Variants in IGF2BP3 observed in about 807,000 individuals in gnomAD.
IGF2BP3 encodes insulin like growth factor 2 mRNA binding protein 3.
Under a neutral mutation model 73.8 loss-of-function variants are expected in IGF2BP3, and 9 were observed. The ratio of observed to expected loss-of-function variants is 0.12; its 90% confidence interval spans 0.07 to 0.21. The LOEUF is 0.21. Among genes scored for constraint, IGF2BP3 ranks in the 10% least tolerant of loss-of-function variants. IGF2BP3 has a pLI of 1.00. For synonymous variants in IGF2BP3, 258 were observed against 256.7 expected, an observed-to-expected ratio of 1.01 and a Z score of -0.05; for missense variants, 542 against 714.0, an observed-to-expected ratio of 0.76 and a Z score of 2.75.
intron 3 of IGF2BP3, among the ~76,000 whole-genome samples, chr7:23,378,592 T>TTTTTTTA (rs71309065): frequency 7.3e-6 from 1 of 136,870 alleles, no homozygotes; most frequent in Non-Finnish European, 1.5e-5. Flanking sequence ...TTTTTTTTTT[T>TTTTTTTA]GAGACAGAGT....
At chr7:23,374,443 G>GAA (rs1404815588) in intron 3 of IGF2BP3, among the ~76,000 whole-genome samples, 1 of 152,084 alleles carries the variant, frequency 6.6e-6, no homozygotes, top group Non-Finnish European at 1.5e-5. Context: ...GTTATCACTT[G>GAA]AAGCAAGGGA....
rs566695425 is a variant in IGF2BP3, at chr7:23,321,712, A to G, written c.1204-2458T>C. Among the ~76,000 whole-genome samples the G allele has an allele frequency of 3.5e-4, 54 of 152,344 alleles. 1 individual carries two copies. The highest frequency in any genetic ancestry group is 3.4e-3 in the Middle Eastern group (1 of 294). ...AAGAGAGCAGTGGTTCTCCCAGCAC[A>G]CAGCTAGAGCTCTGAGAACGGGCAG... On this transcript the variant is annotated intron_variant, in intron 10 of 14. Coordinates refer to ENST00000258729, the MANE Select transcript of IGF2BP3 (RefSeq NM_006547.3).
chr7:23,381,175 CCACCAAA>C, intron 3 of IGF2BP3, among the ~76,000 whole-genome samples: 1 of 152,218 alleles, frequency 6.6e-6, no homozygotes, highest in East Asian at 1.9e-4. Context: ...CAGTAATCAG[CCACCAAA>C]CACACTGGAT....
chr7:23,457,130 G>A (rs1788341375), intron 2 of IGF2BP3, among the ~76,000 whole-genome samples: 1 of 152,020 alleles, frequency 6.6e-6, no homozygotes, highest in African/African-American at 2.4e-5. Flanking sequence ...CACATCTTTT[G>A]ACATAACAAT....
intron 2 of IGF2BP3, among the ~76,000 whole-genome samples, chr7:23,424,593 C>T (rs1787446333): frequency 6.6e-6 from 1 of 151,848 alleles, no homozygotes; most frequent in African/African-American, 2.4e-5. Flanking sequence ...CATGTTTAAT[C>T]ACAAAAGAAA....
At chr7:23,358,006 A>G (rs1333177812) in intron 5 of IGF2BP3, among the ~76,000 whole-genome samples, 1 of 152,268 alleles carries the variant, frequency 6.6e-6, no homozygotes, top group African/African-American at 2.4e-5. Flanking sequence ...CAGAAGCAGC[A>G]ATCAAACATG....
rs145805658 is a variant in IGF2BP3 at position 23,440,681 on chromosome 7, G to A, written c.237-21857C>T. 6.4e-3 allele frequency among the ~76,000 whole-genome samples: 979 copies of A among 152,164 alleles called. 4 individuals carry two copies. The highest frequency in any genetic ancestry group is 0.01 in the Non-Finnish European group (708 of 68,022). On this transcript the variant is annotated intron_variant, in intron 2 of 14. Transcript: ENST00000258729. ...CCGACATACTGTCTATTGGGGGAGC[G>A]GCACACCAGGACTCCAACAACCCCT...
intron 2 of IGF2BP3, among the ~76,000 whole-genome samples, chr7:23,453,810 C>G (rs779097133): frequency 1.3e-5 from 2 of 152,146 alleles, no homozygotes; most frequent in African/African-American, 4.8e-5. Context: ...GTTGGCACTT[C>G]CCTAATAACT....
rs899119492 is a variant in IGF2BP3, at chr7:23,310,663, A to T, written c.*1699T>A. ...AGGGCACTTTTTTGGTTAAAACTACAAAAGAAACTTGTTTTCAGAGAACAT... is the reference window on the plus strand; with the variant it reads ...AGGGCACTTTTTTGGTTAAAACTACTAAAGAAACTTGTTTTCAGAGAACAT... On this transcript the variant is annotated 3_prime_UTR_variant, in exon 15 of 15. Transcript: ENST00000258729. 6.6e-6 allele frequency: 1 copy of T among 152,234 alleles called. No individual in the cohort carries two copies. Among genetic ancestry groups the T allele is most frequent in the African/African-American group, 2.4e-5 (1 of 41,456 alleles). 9.4% of individuals were successfully genotyped at this position (152,234 alleles called of 1,614,324 possible). A position where few individuals can be genotyped will look rare whatever the true frequency, so the allele number is the denominator to read the frequency against.
chr7:23,321,132 G>A (rs1176493918), intron 10 of IGF2BP3, among the ~76,000 whole-genome samples: 1 of 152,184 alleles, frequency 6.6e-6, no homozygotes, highest in East Asian at 1.9e-4. Context: ...GCAGAAGACG[G>A]GTGATTTCTG....
chr7:23,426,448 T>C (rs192753164), intron 2 of IGF2BP3, among the ~76,000 whole-genome samples: 97 of 152,308 alleles, frequency 6.4e-4, no homozygotes, highest in Middle Eastern at 6.8e-3. Context: ...AAAAATATCT[T>C]TCTTAACAAC....
At chr7:23,321,623 C>A (rs1400665164) in intron 10 of IGF2BP3, among the ~76,000 whole-genome samples, 1 of 152,252 alleles carries the variant, frequency 6.6e-6, no homozygotes, top group Non-Finnish European at 1.5e-5. Context: ...GGGGGCAGGG[C>A]ACAGACAGAC....
chr7:23,351,376 G>C lies in IGF2BP3; in HGVS notation c.612C>G (p.Thr204=). The C allele has an allele frequency of 6.2e-7, 1 of 1,613,868 alleles. No homozygotes were observed. The highest frequency in any genetic ancestry group is 2.2e-5 in the East Asian group (1 of 44,860). Reference sequence around the variant, plus strand: ...TTCCTATGATGGCTCCAACAAATTGGGTGGGAACCAGCAGGCGCAGAGGCA... The same window carrying C: ...TTCCTATGATGGCTCCAACAAATTGCGTGGGAACCAGCAGGCGCAGAGGCA... ...CDLPLRLLVP[T]QFVGAIIGKE... The change falls in exon 6 of 15, where the codon ACC becomes ACG. Residue 204 remains threonine, a synonymous_variant. Transcript: ENST00000258729.
intron 12 of IGF2BP3, among the ~76,000 whole-genome samples, chr7:23,315,513 A>C (rs1249925403): frequency 6.6e-6 from 1 of 152,220 alleles, no homozygotes; most frequent in African/African-American, 2.4e-5. Flanking sequence ...GCAAAGCAGA[A>C]AGGAGCCTGA....
chr7:23,331,487 T>C (rs530855910), intron 10 of IGF2BP3, among the ~76,000 whole-genome samples: 1 of 152,138 alleles, frequency 6.6e-6, no homozygotes, highest in African/African-American at 2.4e-5. Context: ...AAGATGGGTG[T>C]GTACAGATGA....
At chr7:23,325,294 C>A (rs948130628) in intron 10 of IGF2BP3, among the ~76,000 whole-genome samples, 1 of 151,918 alleles carries the variant, frequency 6.6e-6, no homozygotes, top group Non-Finnish European at 1.5e-5. Flanking sequence ...AAACAGAGAG[C>A]CAAATCATGA....
At chr7:23,326,363 T>C (rs1041005899) in intron 10 of IGF2BP3, among the ~76,000 whole-genome samples, 8 of 152,202 alleles carry the variant, frequency 5.3e-5, no homozygotes, top group African/African-American at 1.4e-4. Flanking sequence ...AAAACCACAG[T>C]GAGATACCAT....
rs571136612 is a variant in IGF2BP3 at position 23,433,299 on chromosome 7, C to T, written c.237-14475G>A. On this transcript the variant is annotated intron_variant, in intron 2 of 14. Coordinates refer to ENST00000258729, the MANE Select transcript of IGF2BP3 (RefSeq NM_006547.3). ...TAGAAACCGTACATCTTAAGCTGCT[C>T]TGTCCAATAAAGAAGCCACTAGCCA... is the stretch of plus-strand genomic sequence containing the variant. Among the ~76,000 whole-genome samples the T allele has an allele frequency of 3.1e-3, 471 of 152,164 alleles. 3 individuals carry two copies. The highest frequency in any genetic ancestry group is 5.1e-3 in the Non-Finnish European group (346 of 67,994).
At chr7:23,427,402 A>G (rs2128540052) in intron 2 of IGF2BP3, among the ~76,000 whole-genome samples, 1 of 152,216 alleles carries the variant, frequency 6.6e-6, no homozygotes, top group East Asian at 1.9e-4. Context: ...TCTTGAAATC[A>G]TCTCCAAAAT....
Sources: gnomAD v4.1 joint callset for allele counts (sites outside exome capture counted in the v4.1 genomes callset) on GRCh38, gnomAD v4.1.1 for gene constraint, MANE v1.5 for transcripts, NCBI Gene and HGNC (gene_info 2026-07-23, HGNC 2026-07-21) for gene names.